Variants in SPRY3 observed in about 807,000 individuals in gnomAD.
SPRY3 encodes sprouty RTK signaling antagonist 3.
A neutral mutation model predicts 20.2 loss-of-function variants in SPRY3; 15 were observed. That is an observed-to-expected ratio of 0.74 (90% confidence interval 0.50 to 1.14). The LOEUF is 1.14. SPRY3 is among the 50% of genes most tolerant of loss of function. SPRY3 has a pLI of 0.00. For missense variants in SPRY3, 364 were observed against 363.9 expected, an observed-to-expected ratio of 1.00 and a Z score of 0.00; for synonymous variants, 143 against 136.5, an observed-to-expected ratio of 1.05 and a Z score of -0.33.
chrX:155,623,687 C>T (rs1240367493), intron 1 of SPRY3, among the ~76,000 whole-genome samples: 1 of 111,928 alleles, frequency 8.9e-6, no homozygotes, highest in Non-Finnish European at 1.9e-5. Flanking sequence ...ATTGCTTACT[C>T]GTGGGTCCAG....
intron 2 of SPRY3, among the ~76,000 whole-genome samples, chrX:155,736,646 T>C (rs1010811222): frequency 6.6e-6 from 1 of 152,096 alleles, no homozygotes; most frequent in Non-Finnish European, 1.5e-5. Context: ...AGTTTAAATA[T>C]GATATGCTTA....
chrX:155,760,054 C>A (rs1187800874), intron 2 of SPRY3, among the ~76,000 whole-genome samples: 3 of 152,098 alleles, frequency 2.0e-5, no homozygotes, highest in Non-Finnish European at 4.4e-5. Context: ...ATTGTAATCA[C>A]TGGTTTTAAT....
intron 3 of SPRY3, among the ~76,000 whole-genome samples, chrX:155,768,726 C>A (rs2091363096): frequency 6.6e-6 from 1 of 152,198 alleles, no homozygotes; most frequent in African/African-American, 2.4e-5. Flanking sequence ...GTGCACATGT[C>A]TCTGTGTGGC....
chrX:155,744,750 T>C (rs1156537396), intron 2 of SPRY3, among the ~76,000 whole-genome samples: 1 of 152,046 alleles, frequency 6.6e-6, no homozygotes, highest in Non-Finnish European at 1.5e-5. Flanking sequence ...AAGTCTTCAA[T>C]AGAAACCTGC....
intron 2 of SPRY3, among the ~76,000 whole-genome samples, chrX:155,714,554 G>T (rs1480692610): frequency 6.6e-6 from 1 of 152,110 alleles, no homozygotes; most frequent in African/African-American, 2.4e-5. Context: ...ACCTGGAACT[G>T]GGAGTGTGGT....
intron 2 of SPRY3, among the ~76,000 whole-genome samples, chrX:155,685,718 C>T (rs2068085543): frequency 9.0e-6 from 1 of 111,490 alleles, no homozygotes; most frequent in Admixed American, 9.5e-5. Context: ...CCAGCTCCAT[C>T]CATGTCCCTA....
At chrX:155,660,784 T>C (rs1557353593) in intron 2 of SPRY3, among the ~76,000 whole-genome samples, 1 of 108,039 alleles carries the variant, frequency 9.3e-6, no homozygotes. Flanking sequence ...ACCTTCTTTG[T>C]CTTTTTTTTT....
At chrX:155,695,699 T>C (rs1245477551) in intron 2 of SPRY3, among the ~76,000 whole-genome samples, 3 of 111,352 alleles carry the variant, frequency 2.7e-5, no homozygotes, top group African/African-American at 9.7e-5. Context: ...TATGAATCTA[T>C]ATTTACATTC....
chrX:155,677,329 C>T (rs1438346554), intron 2 of SPRY3, among the ~76,000 whole-genome samples: 2 of 111,660 alleles, frequency 1.8e-5, no homozygotes, highest in Non-Finnish European at 3.8e-5. Context: ...CCTCTGGGTT[C>T]CACCAGGAAA....
chrX:155,694,149 G>C (rs1185168577), intron 2 of SPRY3, among the ~76,000 whole-genome samples: 1 of 111,939 alleles, frequency 8.9e-6, no homozygotes, highest in Non-Finnish European at 1.9e-5. Context: ...ATTGGACCTA[G>C]CTCTACCATT....
At chrX:155,631,965 T>G (rs1007818563) in intron 1 of SPRY3, among the ~76,000 whole-genome samples, 4 of 111,600 alleles carry the variant, frequency 3.6e-5, no homozygotes, top group African/African-American at 1.3e-4. Flanking sequence ...ATGTTCAATT[T>G]AATTATTATT....
intron 2 of SPRY3, among the ~76,000 whole-genome samples, chrX:155,719,257 A>C (rs993852622): frequency 1.3e-4 from 20 of 152,102 alleles, no homozygotes; most frequent in Non-Finnish European, 2.6e-4. Context: ...CCGCCCATGG[A>C]GGGAGCATTT....
At chrX:155,710,276 G>A (rs1438403627) in intron 2 of SPRY3, among the ~76,000 whole-genome samples, 1 of 151,606 alleles carries the variant, frequency 6.6e-6, no homozygotes, top group Admixed American at 6.6e-5. Flanking sequence ...TGACAACATT[G>A]ATTCTTCCAA....
intron 2 of SPRY3, among the ~76,000 whole-genome samples, chrX:155,719,676 C>A (rs2091043863): frequency 6.6e-6 from 1 of 152,110 alleles, no homozygotes; most frequent in Non-Finnish European, 1.5e-5. Flanking sequence ...CACAAGACCC[C>A]TTTTCAGGGC....
intron 1 of SPRY3, among the ~76,000 whole-genome samples, chrX:155,625,114 T>A (rs1337918854): frequency 8.9e-6 from 1 of 111,807 alleles, no homozygotes; most frequent in Non-Finnish European, 1.9e-5. Flanking sequence ...TTTTGATCAA[T>A]TTTTTTAATT....
At chrX:155,653,766 G>A (rs889633765) in intron 1 of SPRY3, among the ~76,000 whole-genome samples, 1 of 111,763 alleles carries the variant, frequency 8.9e-6, no homozygotes, top group East Asian at 2.8e-4. Flanking sequence ...TTTTAGTATT[G>A]TCATTTCCAT....
At chrX:155,619,730 T>G (rs1174042303) in intron 1 of SPRY3, among the ~76,000 whole-genome samples, 2 of 111,598 alleles carry the variant, frequency 1.8e-5, no homozygotes, top group African/African-American at 6.5e-5. Context: ...CCAAAGACAT[T>G]GTTATGAAAA....
intron 1 of SPRY3, among the ~76,000 whole-genome samples, chrX:155,615,780 TA>T (rs2067849350): frequency 9.0e-6 from 1 of 111,698 alleles, no homozygotes; most frequent in East Asian, 2.8e-4. Context: ...ACTCTGGGGA[TA>T]TGAACATTTC....
chrX:155,628,760 A>G (rs2067896295), intron 1 of SPRY3, among the ~76,000 whole-genome samples: 1 of 111,851 alleles, frequency 8.9e-6, no homozygotes, highest in Non-Finnish European at 1.9e-5. Flanking sequence ...TCCCACCAAC[A>G]GTGTGCCAGG....
Sources: gnomAD v4.1 joint callset for allele counts (sites outside exome capture counted in the v4.1 genomes callset) on GRCh38, gnomAD v4.1.1 for gene constraint, MANE v1.5 for transcripts, NCBI Gene and HGNC (gene_info 2026-07-23, HGNC 2026-07-21) for gene names.